Variants in CALD1 observed in about 807,000 individuals in gnomAD.
CALD1 encodes the protein caldesmon 1.
A neutral mutation model predicts 99.9 loss-of-function variants in CALD1; 33 were observed. That is an observed-to-expected ratio of 0.33 (90% CI 0.25 to 0.44). CALD1 has a LOEUF of 0.44. Among genes scored for constraint, CALD1 ranks in the 20% least tolerant of loss-of-function variants. The pLI is 1.00. For missense variants in CALD1, 861 were observed against 962.1 expected, an observed-to-expected ratio of 0.89 and a Z score of 1.39; for synonymous variants, 310 against 325.0, an observed-to-expected ratio of 0.95 and a Z score of 0.50.
intron 1 of CALD1, among the ~76,000 whole-genome samples, chr7:134,752,939 G>A (rs1013470205): frequency 6.7e-6 from 1 of 149,878 alleles, no homozygotes; most frequent in African/African-American, 2.5e-5. Flanking sequence ...GAACCTGGGA[G>A]GTGGAAGTTT....
intron 1 of CALD1, among the ~76,000 whole-genome samples, chr7:134,768,182 C>T (rs768045255): frequency 1.3e-5 from 2 of 148,564 alleles, no homozygotes; most frequent in Non-Finnish European, 3.0e-5. Flanking sequence ...AGAAACAGTA[C>T]CATTTATCTC....
chr7:134,954,315 G>C (rs1213664738), intron 9 of CALD1, among the ~76,000 whole-genome samples: 1 of 152,192 alleles, frequency 6.6e-6, no homozygotes, highest in Non-Finnish European at 1.5e-5. Context: ...GGTTGGGGCA[G>C]GGTGTGGAGT....
At chr7:134,871,795 T>C (rs927433314) in intron 3 of CALD1, among the ~76,000 whole-genome samples, 1 of 152,226 alleles carries the variant, frequency 6.6e-6, no homozygotes, top group African/African-American at 2.4e-5. Flanking sequence ...TACTTTGAAA[T>C]GATAAATAAT....
upstream of CALD1, among the ~76,000 whole-genome samples, chr7:134,743,174 C>A (rs1337770524): frequency 6.6e-6 from 1 of 152,218 alleles, no homozygotes; most frequent in African/African-American, 2.4e-5. Context: ...ACTTGGGGAT[C>A]AGCCCCCTTG....
intron 1 of CALD1, among the ~76,000 whole-genome samples, chr7:134,771,050 C>T (rs762957193): frequency 7.2e-5 from 11 of 152,206 alleles, no homozygotes; most frequent in Non-Finnish European, 1.2e-4. Flanking sequence ...CACACCACCC[C>T]TTCCTTCAAC....
intron 1 of CALD1, among the ~76,000 whole-genome samples, chr7:134,784,645 C>A (rs565853980): frequency 8.5e-5 from 13 of 152,236 alleles, no homozygotes; most frequent in African/African-American, 3.1e-4. Context: ...TCTATGTGAG[C>A]AAACTTTGGT....
At chr7:134,793,965 A>T (rs1797646432) in intron 1 of CALD1, among the ~76,000 whole-genome samples, 1 of 151,870 alleles carries the variant, frequency 6.6e-6, no homozygotes, top group African/African-American at 2.4e-5. Context: ...TTGTCTCACC[A>T]CTTCAATTCT....
intron 3 of CALD1, chr7:134,868,193 A>C (rs1800891837): frequency 6.4e-6 from 1 of 156,340 alleles, no homozygotes; most frequent in Non-Finnish European, 1.4e-5. Flanking sequence ...AGAGTCTTCA[A>C]TCTAAAAAAT....
intron 1 of CALD1, among the ~76,000 whole-genome samples, chr7:134,761,794 T>C (rs1477241152): frequency 2.0e-5 from 3 of 152,236 alleles, no homozygotes; most frequent in Admixed American, 2.0e-4. Context: ...AGAAAAGTGA[T>C]GATAGTATGG....
intron 2 of CALD1, among the ~76,000 whole-genome samples, chr7:134,858,932 C>A (rs1800439183): frequency 6.6e-6 from 1 of 152,292 alleles, no homozygotes; most frequent in South Asian, 2.1e-4. Flanking sequence ...AAAACATTCT[C>A]TGCACCGTCT....
At chr7:134,834,406 A>C (rs1799350314) in intron 1 of CALD1, among the ~76,000 whole-genome samples, 1 of 152,190 alleles carries the variant, frequency 6.6e-6, no homozygotes, top group Admixed American at 6.5e-5. Context: ...TTTGTCCTAA[A>C]ATAAAAAATA....
chr7:134,875,082 T>C (rs920442559), intron 3 of CALD1, among the ~76,000 whole-genome samples: 3 of 152,268 alleles, frequency 2.0e-5, no homozygotes, highest in African/African-American at 7.2e-5. Flanking sequence ...GATATTCCTT[T>C]GAAACTATCT....
chr7:134,845,487 C>T (rs1334925306), intron 2 of CALD1, among the ~76,000 whole-genome samples: 2 of 152,168 alleles, frequency 1.3e-5, no homozygotes, highest in Non-Finnish European at 2.9e-5. Context: ...AGTTACCTTT[C>T]TCCCAGAGGT....
chr7:134,911,922 C>T (rs183289067), intron 3 of CALD1, among the ~76,000 whole-genome samples: 24 of 152,142 alleles, frequency 1.6e-4, no homozygotes, highest in African/African-American at 5.8e-4. Flanking sequence ...ACTGGAACAA[C>T]CACAGAGATT....
At chr7:134,733,210 AG>A in the CALD1 span, among the ~76,000 whole-genome samples, 3 of 152,208 alleles carry the variant, frequency 2.0e-5, no homozygotes, top group Non-Finnish European at 2.9e-5. Flanking sequence ...CTACAATTAT[AG>A]GCTTCCTAAT....
chr7:134,840,458 A>G (rs1799607521), intron 1 of CALD1, among the ~76,000 whole-genome samples: 1 of 152,174 alleles, frequency 6.6e-6, no homozygotes, highest in Non-Finnish European at 1.5e-5. Flanking sequence ...CAAGTGTCCT[A>G]ATGCCTCCAA....
intron 1 of CALD1, among the ~76,000 whole-genome samples, chr7:134,792,675 C>A (rs960835229): frequency 1.3e-5 from 2 of 152,262 alleles, no homozygotes; most frequent in East Asian, 1.9e-4. Flanking sequence ...TCTGTAAAGA[C>A]CCTATCTCCA....
chr7:134,761,574 A>G (rs1388051096), intron 1 of CALD1, among the ~76,000 whole-genome samples: 1 of 152,242 alleles, frequency 6.6e-6, no homozygotes, highest in Non-Finnish European at 1.5e-5. Flanking sequence ...TTTGATCTTC[A>G]TATCAACTCT....
chr7:134,762,791 G>A (rs1387572423), intron 1 of CALD1, among the ~76,000 whole-genome samples: 1 of 152,094 alleles, frequency 6.6e-6, no homozygotes, highest in Non-Finnish European at 1.5e-5. Flanking sequence ...CCTCCCACCA[G>A]GCCCCACCTC....
Sources: gnomAD v4.1 joint callset for allele counts (sites outside exome capture counted in the v4.1 genomes callset) on GRCh38, gnomAD v4.1.1 for gene constraint, MANE v1.5 for transcripts, NCBI Gene and HGNC (gene_info 2026-07-23, HGNC 2026-07-21) for gene names.